TFDP2: variants seen among roughly 807,000 people sequenced by gnomAD.
TFDP2 encodes transcription factor Dp-2 (E2F dimerization partner 2).
Under a neutral mutation model 59.3 loss-of-function variants are expected in TFDP2, and 17 were observed. The ratio of observed to expected loss-of-function variants is 0.29; its 90% confidence interval spans 0.20 to 0.43. The LOEUF (loss-of-function observed/expected upper bound fraction) is 0.43, where lower values mean the gene tolerates loss of function less well. Ranked by LOEUF, TFDP2 falls within the 20% of genes least tolerant of loss-of-function variation. The pLI is 1.00. For missense variants in TFDP2, 391 were observed against 528.8 expected (o/e 0.74, Z 2.56); for synonymous variants, 180 against 194.7 (o/e 0.92, Z 0.63).
intron 10 of TFDP2, among the ~76,000 whole-genome samples, chr3:141,962,330 T>C (rs948950830): frequency 6.6e-6 from 1 of 152,146 alleles, no homozygotes; most frequent in African/African-American, 2.4e-5. Flanking sequence ...GTCTCAATTA[T>C]CAAATAGTTT....
intron 1 of TFDP2, chr3:142,126,400 CTGATACA>C (rs936978182): frequency 6.6e-6 from 1 of 152,042 alleles, no homozygotes; most frequent in Non-Finnish European, 1.5e-5. Flanking sequence ...CAAAGTCCCT[CTGATACA>C]TGTATCTGAG....
intron 9 of TFDP2, among the ~76,000 whole-genome samples, chr3:141,966,917 A>T (rs1173546410): frequency 1.0e-4 from 4 of 38,110 alleles, no homozygotes; most frequent in Admixed American, 2.3e-4. Flanking sequence ...ATTACTTATT[A>T]AAAAAAAAAA....
intron 9 of TFDP2, among the ~76,000 whole-genome samples, chr3:141,967,247 T>C (rs1450553742): frequency 1.3e-5 from 2 of 151,474 alleles, no homozygotes; most frequent in Non-Finnish European, 2.9e-5. Context: ...ACTTAATTTA[T>C]TTGATGAAAG....
intron 6 of TFDP2, among the ~76,000 whole-genome samples, chr3:141,991,085 C>T (rs748584926): frequency 1.3e-5 from 2 of 152,018 alleles, no homozygotes; most frequent in African/African-American, 2.4e-5. Context: ...ACAAACCCCA[C>T]TAATATACTA....
chr3:141,982,877 G>C (rs776454601), intron 6 of TFDP2, among the ~76,000 whole-genome samples: 3 of 152,120 alleles, frequency 2.0e-5, no homozygotes, highest in Non-Finnish European at 4.4e-5. Flanking sequence ...ATCAACATTA[G>C]TAAACTATCA....
At chr3:141,989,306 C>G (rs1942485907) in intron 6 of TFDP2, 1 of 152,240 alleles carries the variant, frequency 6.6e-6, no homozygotes, top group Non-Finnish European at 1.5e-5. Flanking sequence ...CACAACTTCT[C>G]TGGATGTGAG....
rs1207377836 is a variant in TFDP2, at chr3:141,969,116, A to G, written c.732+957T>C. ...CATATATATATATCTCATATATATG[A>G]GATATATATATAACATATATATCCC... is the stretch of plus-strand genomic sequence containing the variant. On this transcript the variant is annotated intron_variant, in intron 9 of 12. Transcript: ENST00000489671. Among the ~76,000 whole-genome samples, 31 of 87,662 alleles carry G rather than the reference A, an allele frequency of 3.5e-4. 4 individuals are homozygous for G. Among genetic ancestry groups the G allele is most frequent in the Non-Finnish European group, 6.4e-4 (31 of 48,404 alleles). 57.5% of individuals were successfully genotyped at this position (87,662 alleles called of 152,430 possible).
At chr3:142,122,356 T>A (rs2108699640) in intron 1 of TFDP2, among the ~76,000 whole-genome samples, 1 of 152,214 alleles carries the variant, frequency 6.6e-6, no homozygotes, top group East Asian at 1.9e-4. Flanking sequence ...GAAACCTATC[T>A]CTAAAATCCC....
At chr3:142,114,822 TAC>T (rs2061792788) in intron 1 of TFDP2, among the ~76,000 whole-genome samples, 1 of 152,170 alleles carries the variant, frequency 6.6e-6, no homozygotes, top group Non-Finnish European at 1.5e-5. Context: ...ATGATATTTG[TAC>T]AGACACTTTC....
At chr3:142,010,619 A>AC (rs1239871055) in intron 3 of TFDP2, among the ~76,000 whole-genome samples, 6 of 151,136 alleles carry the variant, frequency 4.0e-5, no homozygotes, top group South Asian at 2.1e-4. Context: ...AAAAAAAAAA[A>AC]AAAAAAAAAA....
rs144559125 is a variant in TFDP2 at position 141,976,865 on chromosome 3, C to CA, written c.519+1654dup. On this transcript the variant is annotated intron_variant, in intron 7 of 12. Coordinates refer to ENST00000489671, the MANE Select transcript of TFDP2 (RefSeq NM_001178139.2). ...TCCCAAGGAAAATCTCAATGTAATC[C>CA]AAAAAAAAAAGGGAAATAGTTCAAA... 4.0e-3 allele frequency among the ~76,000 whole-genome samples: 547 copies of CA among 137,468 alleles called. 1 individual carries two copies. Among genetic ancestry groups the CA allele is most frequent in the African/African-American group, 0.011 (421 of 37,288 alleles). The allele number at this position is 137,468 out of a possible 152,430, so 90.2% of individuals were successfully genotyped here. A position where few individuals can be genotyped will look rare whatever the true frequency, so the allele number is the denominator to read the frequency against.
chr3:141,971,118 G>GC (rs1418468360), intron 8 of TFDP2, among the ~76,000 whole-genome samples: 1 of 151,602 alleles, frequency 6.6e-6, no homozygotes, highest in Admixed American at 6.6e-5. Context: ...TCAAACTACT[G>GC]CTTTTTTTCT....
intron 7 of TFDP2, among the ~76,000 whole-genome samples, chr3:141,975,905 G>A (rs1367041457): frequency 6.6e-6 from 1 of 152,042 alleles, no homozygotes; most frequent in African/African-American, 2.4e-5. Flanking sequence ...TTCCGAGACA[G>A]AGTCTTGCTC....
rs193148874 is a variant in TFDP2, at chr3:142,070,860, T to C, written c.82+22201A>G. ...GCCATTTCCATTATTTTTAATCTTCTTTCCATTTAGGAGTTTTAAATATTT... is the reference window on the plus strand; with the variant it reads ...GCCATTTCCATTATTTTTAATCTTCCTTCCATTTAGGAGTTTTAAATATTT... On this transcript the variant is annotated intron_variant, in intron 3 of 12. Transcript: ENST00000489671. Among the ~76,000 whole-genome samples the C allele has an allele frequency of 3.7e-3, 571 of 152,348 alleles. 1 individual carries two copies. Among genetic ancestry groups the C allele is most frequent in the African/African-American group, 0.013 (543 of 41,582 alleles).
intron 2 of TFDP2, among the ~76,000 whole-genome samples, chr3:142,097,304 A>G (rs1379732041): frequency 6.6e-6 from 1 of 152,254 alleles, no homozygotes; most frequent in African/African-American, 2.4e-5. Context: ...GTGAGCAAAA[A>G]CAGACAAAAT....
chr3:142,023,561 A>C (rs1223635864), intron 3 of TFDP2, among the ~76,000 whole-genome samples: 1 of 152,178 alleles, frequency 6.6e-6, no homozygotes, highest in East Asian at 1.9e-4. Context: ...CCCATGAATT[A>C]AGAGTTCCAA....
chr3:141,993,455 G>T (rs1225952696), intron 6 of TFDP2, 83 bp downstream of exon 6: 19 of 788,060 alleles, frequency 2.4e-5, no homozygotes, highest in Non-Finnish European at 3.4e-5. Context: ...GAAAAACATC[G>T]CATTAAACCA....
rs1935927423 is a variant in TFDP2, at chr3:141,951,432, C to T, written c.*1081G>A. 6.6e-6 allele frequency: 1 copy of T among 152,394 alleles called. No individual in the cohort carries two copies. The highest frequency in any genetic ancestry group is 6.6e-5 in the Admixed American group (1 of 15,264). The allele number at this position is 152,394 out of a possible 1,614,324, so 9.4% of individuals were successfully genotyped here. A position where few individuals can be genotyped will look rare whatever the true frequency, so the allele number is the denominator to read the frequency against. ...TGGATTAGTTTGAAATGCAATTGAC[C>T]CCAGGAGTAGGCTCAATAAGGTCAT... On this transcript the variant is annotated 3_prime_UTR_variant, in exon 13 of 13. Transcript: ENST00000489671.
chr3:142,022,074 T>C (rs1945660865), intron 3 of TFDP2, among the ~76,000 whole-genome samples: 1 of 152,232 alleles, frequency 6.6e-6, no homozygotes, highest in African/African-American at 2.4e-5. Flanking sequence ...TTTTGAAATG[T>C]ATCTTCTGAT....
Sources: allele counts gnomAD v4.1 joint callset (sites outside exome capture counted in the v4.1 genomes callset), GRCh38; gene constraint gnomAD v4.1.1; transcripts MANE v1.5; gene names NCBI Gene and HGNC (gene_info 2026-07-23, HGNC 2026-07-21).